Variants in TBL1XR1 observed in about 807,000 individuals in gnomAD.
The protein encoded by TBL1XR1 is TBL1X/Y related 1, also known as F-box-like/WD repeat-containing protein TBL1XR1.
Under a neutral mutation model 66.9 loss-of-function variants are expected in TBL1XR1, and 5 were observed. The observed-to-expected ratio is 0.07, with a 90% confidence interval of 0.04 to 0.16. The LOEUF (loss-of-function observed/expected upper bound fraction) is 0.16, where lower values mean the gene tolerates loss of function less well. Among genes scored for constraint, TBL1XR1 ranks in the 10% least tolerant of loss-of-function variants. The probability of loss-of-function intolerance (pLI) is 1.00; values close to 1 mark genes in which losing one functional copy is unlikely to be tolerated. For synonymous variants in TBL1XR1, 210 were observed against 206.0 expected, an observed-to-expected ratio of 1.02 and a Z score of -0.17; for missense variants, 238 against 623.2, an observed-to-expected ratio of 0.38 and a Z score of 6.58.
In TBL1XR1 at chr3:177,187,943, CTTTTTTT is replaced by C. The variant is rs571361204; in HGVS notation, c.-122+9171_-122+9177del. Reference sequence around the variant, plus strand: ...GCTTGAGAGTCCAGAGTACAATTTCCTTTTTTTTTTTTTTTTTTTTTTTTGAGATGGA... The same window carrying C: ...GCTTGAGAGTCCAGAGTACAATTTCCTTTTTTTTTTTTTTTTTGAGATGGA... On this transcript the variant is annotated intron_variant, in intron 1 of 15. Transcript: ENST00000457928. Among the ~76,000 whole-genome samples the C allele has an allele frequency of 2.2e-3, 171 of 77,846 alleles. 1 individual carries two copies. Among genetic ancestry groups the C allele is most frequent in the Admixed American group, 0.014 (81 of 5,648 alleles). The allele number at this position is 77,846 out of a possible 152,430, so 51.1% of individuals were successfully genotyped here. A position where few individuals can be genotyped will look rare whatever the true frequency, so the allele number is the denominator to read the frequency against.
At chr3:177,072,380 T>C (rs755129255) in intron 2 of TBL1XR1, among the ~76,000 whole-genome samples, 1 of 151,816 alleles carries the variant, frequency 6.6e-6, no homozygotes, top group Non-Finnish European at 1.5e-5. Flanking sequence ...TACAAAGCGA[T>C]AGTGGGTAAA....
At chr3:177,117,492 A>T (rs1299460498) in intron 1 of TBL1XR1, among the ~76,000 whole-genome samples, 1 of 152,210 alleles carries the variant, frequency 6.6e-6, no homozygotes, top group Admixed American at 6.5e-5. Flanking sequence ...TAGATATGAC[A>T]TCAAAATAAT....
intron 1 of TBL1XR1, among the ~76,000 whole-genome samples, chr3:177,172,342 G>T (rs1340645993): frequency 6.6e-6 from 1 of 150,532 alleles, no homozygotes; most frequent in Non-Finnish European, 1.5e-5. Context: ...ATAAGTCATG[G>T]AATGAGTGAA....
chr3:177,040,456 G>C (rs1715428744), intron 10 of TBL1XR1, among the ~76,000 whole-genome samples: 1 of 152,104 alleles, frequency 6.6e-6, no homozygotes, highest in South Asian at 2.1e-4. Context: ...AAGCATAATA[G>C]TAACTGGCTA....
intron 2 of TBL1XR1, among the ~76,000 whole-genome samples, chr3:177,076,598 C>G (rs1720734878): frequency 6.6e-6 from 1 of 152,182 alleles, no homozygotes; most frequent in Non-Finnish European, 1.5e-5. Flanking sequence ...AAGACAAATA[C>G]AGATTCCATC....
chr3:177,198,016 G>A (rs949627954), upstream of TBL1XR1, among the ~76,000 whole-genome samples: 31 of 151,828 alleles, frequency 2.0e-4, no homozygotes, highest in Admixed American at 5.9e-4. Flanking sequence ...CGGCCCGGCG[G>A]CGTTGGGGGC....
At chr3:177,135,334 T>TGTGTGTGTGTGTGTATAC in intron 1 of TBL1XR1, among the ~76,000 whole-genome samples, 1 of 49,960 alleles carries the variant, frequency 2.0e-5, no homozygotes, top group South Asian at 8.1e-4. Context: ...TGTGTGTGTG[T>TGTGTGTGTGTGTGTATAC]ATACATATAT....
chr3:177,175,479 G>C (rs1356922443), intron 1 of TBL1XR1, among the ~76,000 whole-genome samples: 1 of 152,134 alleles, frequency 6.6e-6, no homozygotes, highest in Non-Finnish European at 1.5e-5. Flanking sequence ...TCAAAATTGA[G>C]AACGTGCCTG....
intron 2 of TBL1XR1, among the ~76,000 whole-genome samples, chr3:177,073,223 C>A (rs1033224760): frequency 1.1e-4 from 17 of 152,092 alleles, no homozygotes; most frequent in African/African-American, 3.9e-4. Context: ...ATGTTTGAGA[C>A]CTATTGAGTC....
intron 1 of TBL1XR1, among the ~76,000 whole-genome samples, chr3:177,124,135 T>TA (rs1460519693): frequency 6.6e-6 from 1 of 152,000 alleles, no homozygotes; most frequent in Non-Finnish European, 1.5e-5. Flanking sequence ...TAAGGCATAA[T>TA]AACATTAGCT....
At position 177,020,366 on chromosome 3, in the gene TBL1XR1, C is replaced by T. The variant is rs576437668; in HGVS notation, c.*5132G>A. ...TTAGCTGATTAGATGCTCTATTATA[C>T]TTTAATAAAAATAGTAAATAACCCC... On this transcript the variant is annotated 3_prime_UTR_variant, in exon 16 of 16. Coordinates refer to ENST00000457928, the MANE Select transcript of TBL1XR1 (RefSeq NM_024665.7). 6.6e-6 allele frequency: 1 copy of T among 152,194 alleles called. No individual in the cohort carries two copies. The highest frequency in any genetic ancestry group is 1.9e-4 in the East Asian group (1 of 5,190). The allele number at this position is 152,194 out of a possible 1,614,324, so 9.4% of individuals were successfully genotyped here.
chr3:177,139,611 T>C (rs891810611), intron 1 of TBL1XR1, among the ~76,000 whole-genome samples: 2 of 150,842 alleles, frequency 1.3e-5, no homozygotes, highest in African/African-American at 4.9e-5. Flanking sequence ...ACCAAATTCA[T>C]TTGCCTAGAA....
chr3:177,135,821 A>G (rs1728926632), intron 1 of TBL1XR1, among the ~76,000 whole-genome samples: 1 of 151,740 alleles, frequency 6.6e-6, no homozygotes, highest in African/African-American at 2.4e-5. Context: ...TGGCATTTAC[A>G]TTCTGGTGGA....
intron 12 of TBL1XR1, among the ~76,000 whole-genome samples, chr3:177,036,588 T>C (rs1714818729): frequency 6.6e-6 from 1 of 152,234 alleles, no homozygotes; most frequent in South Asian, 2.1e-4. Context: ...TCACACACAG[T>C]TCCAGAAGAA....
Position 177,043,463 on chromosome 3 carries a change from G to A in TBL1XR1, c.925+2666C>T, listed in dbSNP as rs570590979. 3.8e-4 allele frequency among the ~76,000 whole-genome samples: 58 copies of A among 152,094 alleles called. No homozygotes were observed. In the East Asian group the frequency reaches 9.7e-3, roughly 25 times the overall value. On this transcript the variant is annotated intron_variant, in intron 10 of 15. Coordinates refer to ENST00000457928, the MANE Select transcript of TBL1XR1 (RefSeq NM_024665.7). ...GAAATCTAGTTTGTCTTATATTAAT[G>A]TAGCCATTTCAGCTGTCTCTTGCTG...
intron 3 of TBL1XR1, among the ~76,000 whole-genome samples, chr3:177,062,737 GTCTACCATACAAATTTTT>G (rs1718675561): frequency 6.6e-6 from 1 of 152,056 alleles, no homozygotes; most frequent in Admixed American, 6.6e-5. Context: ...TGATATATCA[GTCTACCATACAAATTTTT>G]TTTTAATTCT....
chr3:177,121,852 TA>T (rs944221704), intron 1 of TBL1XR1, among the ~76,000 whole-genome samples: 25 of 147,752 alleles, frequency 1.7e-4, no homozygotes, highest in South Asian at 2.1e-4. Flanking sequence ...GCTAAAGATT[TA>T]AAAAAAAAAA....
chr3:177,069,937 G>T (rs372397601), intron 2 of TBL1XR1, among the ~76,000 whole-genome samples: 16 of 152,118 alleles, frequency 1.1e-4, no homozygotes, highest in African/African-American at 3.4e-4. Flanking sequence ...CTAAGCCAGG[G>T]ATCTGCAAAC....
intron 14 of TBL1XR1, 32 bp from the exon 15 acceptor site, chr3:177,026,506 C>A: frequency 6.9e-7 from 1 of 1,457,382 alleles, no homozygotes; most frequent in Non-Finnish European, 9.3e-7. Flanking sequence ...TCTTAAAAAT[C>A]GTAATACATA....
Sources: gnomAD v4.1 joint callset for allele counts (sites outside exome capture counted in the v4.1 genomes callset) on GRCh38, gnomAD v4.1.1 for gene constraint, MANE v1.5 for transcripts, NCBI Gene and HGNC (gene_info 2026-07-23, HGNC 2026-07-21) for gene names.